Variants in PDE3A observed in about 807,000 individuals in gnomAD.
The protein encoded by PDE3A is cGMP-inhibited 3',5'-cyclic phosphodiesterase 3A.
A neutral mutation model predicts 98.3 loss-of-function variants in PDE3A; 43 were observed. The ratio of observed to expected loss-of-function variants is 0.44; its 90% CI spans 0.34 to 0.56. The LOEUF (loss-of-function observed/expected upper bound fraction) is 0.56, where lower values mean the gene tolerates loss of function less well. PDE3A is among the 20% of genes least tolerant of loss of function. The pLI is 0.01. For missense variants in PDE3A, 1,427 were observed against 1,440.7 expected, an observed-to-expected ratio of 0.99 and a Z score of 0.15; for synonymous variants, 663 against 567.9, an observed-to-expected ratio of 1.17 and a Z score of -2.38.
chr12:20,570,053 G>A (rs12579577), intron 2 of PDE3A, among the ~76,000 whole-genome samples: 61,901 of 151,844 alleles, frequency 0.41, 12,964 homozygotes, highest in Admixed American at 0.47. Context: ...TCCCAGATGA[G>A]GTGGAAGTTT....
intron 1 of PDE3A, among the ~76,000 whole-genome samples, chr12:20,386,539 C>T (rs922016197): frequency 1.3e-5 from 2 of 151,084 alleles, no homozygotes; most frequent in Non-Finnish European, 1.5e-5. Flanking sequence ...TGGGGTTTCA[C>T]CATGTTGGCC....
At chr12:20,497,886 G>GATTAAA (rs1945948819) in intron 1 of PDE3A, among the ~76,000 whole-genome samples, 1 of 152,084 alleles carries the variant, frequency 6.6e-6, no homozygotes, top group African/African-American at 2.4e-5. Flanking sequence ...TTTATGTTCT[G>GATTAAA]CTGCTGTGAT....
rs535855121 is a variant in PDE3A, at chr12:20,458,321, T to C, written c.960+88077T>C. 1.1e-4 allele frequency among the ~76,000 whole-genome samples: 16 copies of C among 152,172 alleles called. 1 individual carries two copies. The highest frequency in any genetic ancestry group is 3.9e-4 in the African/African-American group (16 of 41,544). Reference sequence around the variant, plus strand: ...TTTGTTGCCACTATTTCCTTGTTTTTTCAAGAATAGTCCTTTTACTTATCC... The same window carrying C: ...TTTGTTGCCACTATTTCCTTGTTTTCTCAAGAATAGTCCTTTTACTTATCC... On this transcript the variant is annotated intron_variant, in intron 1 of 15. Coordinates refer to ENST00000359062, the MANE Select transcript of PDE3A (RefSeq NM_000921.5).
chr12:20,657,765 T>C (rs1945076147), intron 15 of PDE3A, among the ~76,000 whole-genome samples: 1 of 152,192 alleles, frequency 6.6e-6, no homozygotes, highest in African/African-American at 2.4e-5. Flanking sequence ...TTCAGTATAA[T>C]TCCAGAGAGG....
At chr12:20,593,429 T>A (rs1943387564) in intron 2 of PDE3A, among the ~76,000 whole-genome samples, 1 of 152,022 alleles carries the variant, frequency 6.6e-6, no homozygotes, top group Non-Finnish European at 1.5e-5. Context: ...TAATAATATC[T>A]CTGCATTGGG....
At chr12:20,479,105 G>A (rs954371161) in intron 1 of PDE3A, among the ~76,000 whole-genome samples, 2 of 152,144 alleles carry the variant, frequency 1.3e-5, no homozygotes, top group Admixed American at 6.6e-5. Context: ...GATTTTTCAG[G>A]TAGTGTTGCT....
At chr12:20,676,177 T>C (rs932573087) in intron 15 of PDE3A, among the ~76,000 whole-genome samples, 5 of 152,332 alleles carry the variant, frequency 3.3e-5, no homozygotes, top group African/African-American at 9.6e-5. Flanking sequence ...GGTTTTATAC[T>C]TTCAAGTGTT....
chr12:20,447,708 G>C (rs1944980827), intron 1 of PDE3A, among the ~76,000 whole-genome samples: 1 of 151,952 alleles, frequency 6.6e-6, no homozygotes, highest in African/African-American at 2.4e-5. Context: ...ATAATAAATG[G>C]GTAAATAAAT....
rs1286690026 is a variant in PDE3A at position 20,516,192 on chromosome 12, AC to A, written c.961-40467del. Among the ~76,000 whole-genome samples, 4 of 151,954 alleles carry A rather than the reference AC, an allele frequency of 2.6e-5. No homozygotes were observed. The East Asian group carries it at 7.7e-4, about 29-fold the overall frequency. ...GCATACTTTTTTTTCATAGATTCTTACTCAGACTCATTCAAAAAGGGATGGA... is the reference window on the plus strand; with the variant it reads ...GCATACTTTTTTTTCATAGATTCTTATCAGACTCATTCAAAAAGGGATGGA... On this transcript the variant is annotated intron_variant, in intron 1 of 15. Coordinates refer to ENST00000359062, the MANE Select transcript of PDE3A (RefSeq NM_000921.5).
chr12:20,536,910 GTGAAA>G (rs1941763711), intron 1 of PDE3A, among the ~76,000 whole-genome samples: 1 of 152,090 alleles, frequency 6.6e-6, no homozygotes, highest in South Asian at 2.1e-4. Context: ...ACATCTAGAA[GTGAAA>G]TTGCTGGATC....
chr12:20,510,109 G>A (rs1946193238), intron 1 of PDE3A, among the ~76,000 whole-genome samples: 1 of 151,384 alleles, frequency 6.6e-6, no homozygotes, highest in African/African-American at 2.4e-5. Context: ...TTCTAAAATG[G>A]GCTTTATTTA....
At chr12:20,435,504 T>C (rs1424028057) in intron 1 of PDE3A, among the ~76,000 whole-genome samples, 1 of 152,086 alleles carries the variant, frequency 6.6e-6, no homozygotes, top group African/African-American at 2.4e-5. Flanking sequence ...TGTAACAATG[T>C]CAAAGAAAAT....
intron 1 of PDE3A, among the ~76,000 whole-genome samples, chr12:20,483,109 G>T (rs572373560): frequency 6.6e-6 from 1 of 151,938 alleles, no homozygotes; most frequent in African/African-American, 2.4e-5. Flanking sequence ...TTCTAAAAGA[G>T]GCCTTACGCG....
intron 2 of PDE3A, among the ~76,000 whole-genome samples, chr12:20,581,961 C>CAGT (rs1943079562): frequency 6.6e-6 from 1 of 151,978 alleles, no homozygotes; most frequent in African/African-American, 2.4e-5. Flanking sequence ...CATTGACTAC[C>CAGT]AGTATAATGA....
chr12:20,590,097 A>G (rs11045322), intron 2 of PDE3A, among the ~76,000 whole-genome samples: 28,974 of 151,822 alleles, frequency 0.19, 3,195 homozygotes, highest in South Asian at 0.36. Context: ...CAAGTGCTCT[A>G]TTACGCAGCA....
intron 15 of PDE3A, among the ~76,000 whole-genome samples, chr12:20,678,293 T>TG (rs1945689453): frequency 2.0e-5 from 3 of 152,164 alleles, no homozygotes; most frequent in Non-Finnish European, 2.9e-5. Flanking sequence ...CTCTTCTTCC[T>TG]TACCTTAGGC....
chr12:20,677,667 G>T (rs988309726), intron 15 of PDE3A, among the ~76,000 whole-genome samples: 2 of 152,040 alleles, frequency 1.3e-5, no homozygotes, highest in African/African-American at 4.8e-5. Flanking sequence ...TACCATGTTA[G>T]CCAGGATGGT....
intron 2 of PDE3A, among the ~76,000 whole-genome samples, chr12:20,585,758 A>C (rs1222102145): frequency 2.6e-5 from 4 of 151,636 alleles, no homozygotes; most frequent in African/African-American, 4.8e-5. Context: ...TTTATTTTTT[A>C]TTTTTCACTC....
At chr12:20,439,267 A>C (rs7485334) in intron 1 of PDE3A, among the ~76,000 whole-genome samples, 48,728 of 152,020 alleles carry the variant, frequency 0.32, 7,961 homozygotes, top group East Asian at 0.44. Context: ...TTTGAAGAGA[A>C]CAAGACTCAC....
Sources: allele counts gnomAD v4.1 joint callset (sites outside exome capture counted in the v4.1 genomes callset), GRCh38; gene constraint gnomAD v4.1.1; transcripts MANE v1.5; gene names NCBI Gene and HGNC (gene_info 2026-07-23, HGNC 2026-07-21).